STK38L: variants seen among roughly 807,000 people sequenced by gnomAD.
STK38L encodes serine/threonine kinase 38 like.
STK38L carries 28 observed loss-of-function variants against 59.7 expected under a neutral mutation model. The observed-to-expected ratio is 0.47, with a 90% CI of 0.35 to 0.64. The LOEUF (loss-of-function observed/expected upper bound fraction) is 0.64, where lower values mean the gene tolerates loss of function less well. STK38L is among the 30% of genes least tolerant of loss of function. The pLI is 0.01. For missense variants in STK38L, 314 were observed against 555.8 expected (o/e 0.56, Z 4.37); for synonymous variants, 162 against 176.8 (o/e 0.92, Z 0.66).
At chr12:27,286,543 T>C (rs567313760) in intron 1 of STK38L, among the ~76,000 whole-genome samples, 6 of 152,294 alleles carry the variant, frequency 3.9e-5, no homozygotes, top group Admixed American at 3.9e-4. Flanking sequence ...TCTTCAGTGC[T>C]GTGGTATTTT....
chr12:27,264,662 A>C (rs1178426285), intron 1 of STK38L, among the ~76,000 whole-genome samples: 2 of 152,224 alleles, frequency 1.3e-5, no homozygotes, highest in Admixed American at 1.3e-4. Flanking sequence ...TAGCATTTAC[A>C]TCATATTAAG....
At chr12:27,273,677 G>A (rs188687614) in intron 1 of STK38L, among the ~76,000 whole-genome samples, 11 of 152,046 alleles carry the variant, frequency 7.2e-5, no homozygotes, top group African/African-American at 1.7e-4. Flanking sequence ...AGGTTTTGAC[G>A]TTTGGTACTA....
intron 1 of STK38L, among the ~76,000 whole-genome samples, chr12:27,251,643 A>G (rs1942977615): frequency 6.6e-6 from 1 of 152,258 alleles, no homozygotes; most frequent in African/African-American, 2.4e-5. Context: ...TAGCAATTAC[A>G]GTGCTGAAAT....
intron 1 of STK38L, among the ~76,000 whole-genome samples, chr12:27,266,425 A>G (rs912449652): frequency 1.3e-5 from 2 of 152,222 alleles, no homozygotes; most frequent in African/African-American, 2.4e-5. Context: ...GGAAGCTTCT[A>G]TTGAACTTTA....
In STK38L at chr12:27,325,005, A is replaced by G. The variant is rs1405370129; in HGVS notation, c.*2550A>G. On this transcript the variant is annotated 3_prime_UTR_variant, in exon 14 of 14. Transcript: ENST00000389032. ...CCGTGTGTTTTTGGTTTTTCTAAGT[A>G]TATAGAAAGCTTGTATAATTCAGAT... 1 of 152,138 alleles carries G rather than the reference A, an allele frequency of 6.6e-6. No homozygotes were observed. Among genetic ancestry groups the G allele is most frequent in the Non-Finnish European group, 1.5e-5 (1 of 67,952 alleles). The allele number at this position is 152,138 out of a possible 1,614,324, so 9.4% of individuals were successfully genotyped here.
Position 27,260,546 on chromosome 12 carries a change from C to G in STK38L, c.-12+16214C>G, listed in dbSNP as rs942757459. ...TCTGAACTCTTTCTTACCACTCCCCCTCACTCTCTCTGTGCCGTACTGAAC... is the reference window on the plus strand; with the variant it reads ...TCTGAACTCTTTCTTACCACTCCCCGTCACTCTCTCTGTGCCGTACTGAAC... On this transcript the variant is annotated intron_variant, in intron 1 of 13. Transcript: ENST00000389032. Among the ~76,000 whole-genome samples, 7 of 152,294 alleles carry G rather than the reference C, an allele frequency of 4.6e-5. No homozygotes were observed. The East Asian group carries it at 1.3e-3, about 29-fold the overall frequency.
intron 1 of STK38L, among the ~76,000 whole-genome samples, chr12:27,259,795 C>T (rs1011817834): frequency 4.6e-5 from 7 of 152,140 alleles, no homozygotes; most frequent in Non-Finnish European, 8.8e-5. Flanking sequence ...TTAAGTTCAG[C>T]TCATTGTGGA....
chr12:27,269,768 G>A (rs1246005663), intron 1 of STK38L, among the ~76,000 whole-genome samples: 3 of 151,996 alleles, frequency 2.0e-5, no homozygotes, highest in Admixed American at 2.0e-4. Flanking sequence ...TCAGCTTCCC[G>A]AGTAGCTGGG....
chr12:27,300,710 A>G (rs528352842), intron 2 of STK38L: 10 of 432,974 alleles, frequency 2.3e-5, no homozygotes, highest in African/African-American at 1.8e-4. Flanking sequence ...TGTAATAAGC[A>G]CCAAGGTAGG....
In STK38L at chr12:27,322,634, A is replaced by G; in HGVS notation, c.*179A>G. ...ACTATAGGAATTGGTTGGCAGTGCC[A>G]GCTGGCTCTTTTTTTTAATATTTTA... is the stretch of plus-strand genomic sequence containing the variant. On this transcript the variant is annotated 3_prime_UTR_variant, in exon 14 of 14. Coordinates refer to ENST00000389032, the MANE Select transcript of STK38L (RefSeq NM_015000.4). 1 of 665,160 alleles carries G rather than the reference A, an allele frequency of 1.5e-6. No individual in the cohort carries two copies. The highest frequency in any genetic ancestry group is 2.2e-6 in the Non-Finnish European group (1 of 448,788). The allele number at this position is 665,160 out of a possible 1,614,324, so 41.2% of individuals were successfully genotyped here. A position where few individuals can be genotyped will look rare whatever the true frequency, so the allele number is the denominator to read the frequency against.
At chr12:27,271,731 G>T (rs1943427133) in intron 1 of STK38L, among the ~76,000 whole-genome samples, 1 of 152,024 alleles carries the variant, frequency 6.6e-6, no homozygotes, top group Non-Finnish European at 1.5e-5. Flanking sequence ...ACGGAGTTTT[G>T]CTCTGTCACC....
chr12:27,268,568 A>G (rs556618205), intron 1 of STK38L, among the ~76,000 whole-genome samples: 3 of 152,300 alleles, frequency 2.0e-5, no homozygotes, highest in South Asian at 4.1e-4. Context: ...GAATAGTGCC[A>G]CAATAAACAT....
At chr12:27,266,190 A>C (rs17411436) in intron 1 of STK38L, among the ~76,000 whole-genome samples, 1 of 152,240 alleles carries the variant, frequency 6.6e-6, no homozygotes, top group Non-Finnish European at 1.5e-5. Flanking sequence ...AAGTGTGTGC[A>C]AAGGTTTACG....
chr12:27,285,611 G>A (rs944320042), intron 1 of STK38L, among the ~76,000 whole-genome samples: 19 of 152,268 alleles, frequency 1.2e-4, no homozygotes, highest in Admixed American at 4.6e-4. Context: ...TTGCCAGGGT[G>A]TCCCTGCCTC....
At chr12:27,317,555 T>G (rs1001119191) in intron 10 of STK38L, 102 bp downstream of exon 10, 14 of 981,542 alleles carry the variant, frequency 1.4e-5, no homozygotes, top group Admixed American at 2.4e-5. Flanking sequence ...TTGAAGTCTT[T>G]TAAGCTTAAT....
chr12:27,247,949 G>A lies in STK38L; in HGVS notation c.-12+3617G>A, dbSNP rs1014679217. On this transcript the variant is annotated intron_variant, in intron 1 of 13. Transcript: ENST00000389032. ...CCCACCTCAGCCTCCTGAGTAGCTC[G>A]GACTACAGGTGTGCACAAGCACGCC... 7.9e-5 allele frequency among the ~76,000 whole-genome samples: 12 copies of A among 151,304 alleles called. No homozygotes were observed. In the East Asian group the frequency reaches 1.2e-3, roughly 15 times the overall value.
rs1944482430 is a variant in STK38L at position 27,312,609 on chromosome 12, A to C, written c.454A>C (p.Lys152Gln). The change falls in exon 6 of 14, where the codon AAG (lysine) becomes CAG (glutamine). Residue 152 changes from lysine (K) to glutamine (Q), a missense_variant. By Grantham distance (53) the Lys-to-Gln change is moderately conservative. Coordinates refer to ENST00000389032, the MANE Select transcript of STK38L (RefSeq NM_015000.4). ...LVEADGAWVV[K>Q]MFYSFQDKRN... Reference sequence around the variant, plus strand: ...AGAAGCAGATGGTGCCTGGGTGGTGAAGATGTTTTACAGTTTTCAGGATAA... The same window carrying C: ...AGAAGCAGATGGTGCCTGGGTGGTGCAGATGTTTTACAGTTTTCAGGATAA... 5.0e-6 allele frequency: 8 copies of C among 1,614,118 alleles called. No homozygotes were observed. The highest frequency in any genetic ancestry group is 5.9e-6 in the Non-Finnish European group (7 of 1,180,002).
intron 9 of STK38L, among the ~76,000 whole-genome samples, chr12:27,316,933 G>A (rs529011469): frequency 6.6e-6 from 1 of 152,246 alleles, no homozygotes; most frequent in African/African-American, 2.4e-5. Flanking sequence ...TAGTGAGTGG[G>A]GAAGCCAGGT....
intron 1 of STK38L, among the ~76,000 whole-genome samples, chr12:27,269,629 TA>T (rs1426625493): frequency 2.0e-5 from 3 of 152,198 alleles, no homozygotes; most frequent in Non-Finnish European, 4.4e-5. Flanking sequence ...TTCTGTGTCA[TA>T]ACCCAGACCT....
Sources: gnomAD v4.1 joint callset for allele counts (sites outside exome capture counted in the v4.1 genomes callset) on GRCh38, gnomAD v4.1.1 for gene constraint, MANE v1.5 for transcripts, NCBI Gene and HGNC (gene_info 2026-07-23, HGNC 2026-07-21) for gene names.